STARD13: variants seen among roughly 807,000 people sequenced by gnomAD.
The protein encoded by STARD13 is StAR related lipid transfer domain containing 13, also known as stAR-related lipid transfer protein 13.
STARD13 carries 62 observed loss-of-function variants against 106.4 expected under a neutral mutation model. The observed-to-expected ratio is 0.58, with a 90% CI of 0.48 to 0.72. The LOEUF is 0.72. Among genes scored for constraint, STARD13 ranks in the 30% least tolerant of loss-of-function variants. STARD13 has a pLI of 0.00. For synonymous variants in STARD13, 565 were observed against 553.0 expected, an observed-to-expected ratio of 1.02 and a Z score of -0.31; for missense variants, 1,387 against 1,424.0, an observed-to-expected ratio of 0.97 and a Z score of 0.42.
At chr13:33,418,082 C>CTGGT in the STARD13 span, among the ~76,000 whole-genome samples, 23,618 of 151,950 alleles carry the variant, frequency 0.16, 4,377 homozygotes, top group African/African-American at 0.44. Context: ...CTCATTGGTA[C>CTGGT]TGGTTGGACA....
chr13:33,117,407 A>G (rs2138098043), intron 8 of STARD13: 1 of 172,402 alleles, frequency 5.8e-6, no homozygotes, highest in Non-Finnish European at 1.2e-5. Context: ...CACCATGCCC[A>G]GCCCATGTGT....
chr13:33,590,851 ATAAT>A, the STARD13 span, among the ~76,000 whole-genome samples: 2 of 152,204 alleles, frequency 1.3e-5, no homozygotes, highest in East Asian at 1.9e-4. Context: ...AACTTAAAGT[ATAAT>A]TAAACAAAAA....
intron 1 of STARD13, among the ~76,000 whole-genome samples, chr13:33,246,004 C>T (rs906811329): frequency 2.0e-5 from 3 of 152,042 alleles, no homozygotes; most frequent in South Asian, 2.1e-4. Context: ...TTTTATTCAC[C>T]GTACAAGTAA....
the STARD13 span, among the ~76,000 whole-genome samples, chr13:33,627,407 G>A: frequency 6.6e-6 from 1 of 152,078 alleles, no homozygotes; most frequent in African/African-American, 2.4e-5. Flanking sequence ...GGGAGGCTGA[G>A]GTGGGTGGAT....
chr13:33,531,878 ATTT>A, the STARD13 span, among the ~76,000 whole-genome samples: 1 of 152,324 alleles, frequency 6.6e-6, no homozygotes, highest in East Asian at 1.9e-4. Flanking sequence ...ATAATTACTC[ATTT>A]GTTTTTTATC....
intron 1 of STARD13, among the ~76,000 whole-genome samples, chr13:33,312,093 T>A (rs1405259122): frequency 6.6e-6 from 1 of 152,244 alleles, no homozygotes; most frequent in African/African-American, 2.4e-5. Flanking sequence ...TCATGAAATA[T>A]CCATGTTTTG....
chr13:33,358,634 C>T, the STARD13 span, among the ~76,000 whole-genome samples: 208 of 151,392 alleles, frequency 1.4e-3, 1 homozygote, highest in Middle Eastern at 6.8e-3. Flanking sequence ...ACTGTGAATA[C>T]ACCAATCGAC....
At position 33,285,343 on chromosome 13, in the gene STARD13, G is replaced by A. The variant is rs143819717; in HGVS notation, c.169+127C>T. The A allele has an allele frequency of 2.7e-4, 274 of 999,244 alleles. 1 individual carries two copies. The African/African-American group carries it at 3.8e-3, about 14-fold the overall frequency. The allele number at this position is 999,244 out of a possible 1,614,324, so 61.9% of individuals were successfully genotyped here. A position where few individuals can be genotyped will look rare whatever the true frequency, so the allele number is the denominator to read the frequency against. ...GCCTAAAGTTATTTTTCAAAGTTAC[G>A]GGTAGTGTGGCATAGAAATCCATAT... On this transcript the variant is annotated intron_variant, in intron 1 of 13. Coordinates refer to ENST00000336934, the MANE Select transcript of STARD13 (RefSeq NM_178006.4).
At chr13:33,107,178 C>T (rs778983820) in intron 12 of STARD13, among the ~76,000 whole-genome samples, 1 of 152,226 alleles carries the variant, frequency 6.6e-6, no homozygotes, top group African/African-American at 2.4e-5. Context: ...TTCAGATCTG[C>T]ATCTGGAATC....
the STARD13 span, among the ~76,000 whole-genome samples, chr13:33,547,716 T>A: frequency 2.0e-4 from 31 of 152,350 alleles, no homozygotes; most frequent in Non-Finnish European, 4.3e-4. Flanking sequence ...ATTTTAAGAC[T>A]ATATCACAGT....
the STARD13 span, among the ~76,000 whole-genome samples, chr13:33,432,130 G>C: frequency 6.6e-6 from 1 of 152,130 alleles, no homozygotes; most frequent in Non-Finnish European, 1.5e-5. Flanking sequence ...AGGAGAGGTA[G>C]TGCCTAGTTT....
At chr13:33,271,497 C>T (rs1891157999) in intron 1 of STARD13, 1 of 152,274 alleles carries the variant, frequency 6.6e-6, no homozygotes, top group Non-Finnish European at 1.5e-5. Context: ...TTTTGAAGGG[C>T]TGGAAGTAGA....
At chr13:33,167,511 T>C (rs780841894) in intron 2 of STARD13, 40 bp downstream of exon 2, 7 of 1,605,070 alleles carry the variant, frequency 4.4e-6, no homozygotes, top group Non-Finnish European at 6.0e-6. Context: ...TCATTTTGGA[T>C]TTATTCTCTG....
At chr13:33,326,412 T>C (rs142881789) in intron 1 of STARD13, among the ~76,000 whole-genome samples, 1 of 152,300 alleles carries the variant, frequency 6.6e-6, no homozygotes, top group African/African-American at 2.4e-5. Context: ...TGTACGTCAA[T>C]AAAGTAATGT....
the STARD13 span, among the ~76,000 whole-genome samples, chr13:33,466,697 T>TA: frequency 5.3e-5 from 8 of 152,094 alleles, no homozygotes; most frequent in East Asian, 5.8e-4. Context: ...AGATTGAAGT[T>TA]AAAAAAACAG....
the STARD13 span, among the ~76,000 whole-genome samples, chr13:33,506,205 C>T: frequency 6.6e-6 from 1 of 152,084 alleles, no homozygotes; most frequent in Non-Finnish European, 1.5e-5. Context: ...AAGAAAGAAG[C>T]ATTAAAGCAC....
At chr13:33,213,548 T>A (rs954327123) in intron 1 of STARD13, among the ~76,000 whole-genome samples, 19 of 152,150 alleles carry the variant, frequency 1.2e-4, no homozygotes, top group African/African-American at 4.1e-4. Context: ...CTACTCTGGC[T>A]CTCTCGAGGT....
the STARD13 span, among the ~76,000 whole-genome samples, chr13:33,392,044 T>C: frequency 6.6e-6 from 1 of 152,176 alleles, no homozygotes; most frequent in East Asian, 1.9e-4. Context: ...TTCTTCGTTT[T>C]GCAGGTGGTG....
chr13:33,288,040 A>T (rs1356711078), upstream of STARD13, among the ~76,000 whole-genome samples: 3 of 152,022 alleles, frequency 2.0e-5, no homozygotes, highest in Non-Finnish European at 1.5e-5. Context: ...CTATTATGAA[A>T]ACAAGTGGAA....
Sources: allele counts gnomAD v4.1 joint callset (sites outside exome capture counted in the v4.1 genomes callset), GRCh38; gene constraint gnomAD v4.1.1; transcripts MANE v1.5; gene names NCBI Gene and HGNC (gene_info 2026-07-23, HGNC 2026-07-21).